NRXN3: variants seen among roughly 807,000 people sequenced by gnomAD.
NRXN3 encodes the protein neurexin III.
A neutral mutation model predicts 137.6 loss-of-function variants in NRXN3; 32 were observed. That is an observed-to-expected ratio of 0.23 (90% confidence interval 0.18 to 0.31). The LOEUF (loss-of-function observed/expected upper bound fraction) is 0.31, where lower values mean the gene tolerates loss of function less well. Ranked by LOEUF, NRXN3 falls within the 10% of genes least tolerant of loss-of-function variation. The pLI is 1.00. For missense variants in NRXN3, 1,574 were observed against 2,062.5 expected (o/e 0.76, Z 4.59); for synonymous variants, 798 against 784.5 (o/e 1.02, Z -0.29).
At chr14:78,630,847 C>T (rs944221519) in intron 4 of NRXN3, among the ~76,000 whole-genome samples, 3 of 152,060 alleles carry the variant, frequency 2.0e-5, no homozygotes, top group East Asian at 1.9e-4. Context: ...CCTCGTGGTC[C>T]GCCCACCTCG....
At chr14:78,484,634 G>A (rs1442413032) in intron 4 of NRXN3, among the ~76,000 whole-genome samples, 1 of 152,086 alleles carries the variant, frequency 6.6e-6, no homozygotes, top group Non-Finnish European at 1.5e-5. Flanking sequence ...CTTGAAGATG[G>A]GAAGAGACTG....
chr14:79,701,771 C>T (rs1367126432), intron 19 of NRXN3, among the ~76,000 whole-genome samples: 1 of 152,028 alleles, frequency 6.6e-6, no homozygotes, highest in Non-Finnish European at 1.5e-5. Context: ...CAATAATTTG[C>T]AACCAACCTA....
intron 8 of NRXN3, among the ~76,000 whole-genome samples, chr14:78,776,158 A>C (rs2098744273): frequency 6.6e-6 from 1 of 152,250 alleles, no homozygotes; most frequent in Non-Finnish European, 1.5e-5. Context: ...ATGGCATTAT[A>C]TGAACAGTTC....
intron 15 of NRXN3, among the ~76,000 whole-genome samples, chr14:79,023,480 T>C (rs2099593125): frequency 6.6e-6 from 1 of 151,922 alleles, no homozygotes; most frequent in African/African-American, 2.4e-5. Context: ...AAGTCTTCCC[T>C]GAGGAAAAAA....
chr14:78,917,910 A>T (rs2099259872), intron 10 of NRXN3, among the ~76,000 whole-genome samples: 1 of 151,784 alleles, frequency 6.6e-6, no homozygotes, highest in Admixed American at 6.6e-5. Flanking sequence ...TGTAAAAGTG[A>T]TAGTTATCTT....
chr14:79,102,755 C>A (rs2051584564), intron 15 of NRXN3, among the ~76,000 whole-genome samples: 1 of 151,934 alleles, frequency 6.6e-6, no homozygotes, highest in African/African-American at 2.4e-5. Context: ...TATATCAGGC[C>A]AATTAGGCAA....
chr14:78,479,013 C>G (rs1410636963), intron 4 of NRXN3, among the ~76,000 whole-genome samples: 2 of 152,148 alleles, frequency 1.3e-5, no homozygotes, highest in African/African-American at 4.8e-5. Context: ...AGTTAGAGAA[C>G]TAGGATAATT....
intron 3 of NRXN3, among the ~76,000 whole-genome samples, chr14:78,292,741 C>A (rs2153520034): frequency 6.6e-6 from 1 of 152,304 alleles, no homozygotes; most frequent in South Asian, 2.1e-4. Context: ...GATGGTGAGA[C>A]TGTTTTGGAA....
chr14:78,446,087 C>T (rs79081503), intron 4 of NRXN3, among the ~76,000 whole-genome samples: 1 of 152,192 alleles, frequency 6.6e-6, no homozygotes, highest in Admixed American at 6.5e-5. Context: ...TGCACCTGAC[C>T]TTGCCCATAA....
chr14:78,232,526 C>T (rs911543386), intron 1 of NRXN3, among the ~76,000 whole-genome samples: 5 of 152,086 alleles, frequency 3.3e-5, no homozygotes, highest in Admixed American at 2.0e-4. Context: ...GCTGGTGCTG[C>T]GAAAGCTGGA....
chr14:79,846,597 G>A (rs960226681), intron 20 of NRXN3, among the ~76,000 whole-genome samples: 4 of 152,126 alleles, frequency 2.6e-5, no homozygotes, highest in Non-Finnish European at 4.4e-5. Flanking sequence ...GATCTGGAAG[G>A]ACTTTAAATT....
intron 15 of NRXN3, among the ~76,000 whole-genome samples, chr14:79,065,311 G>A (rs77072592): frequency 0.062 from 9,369 of 151,988 alleles, 881 homozygotes; most frequent in African/African-American, 0.2. Context: ...GAAAGGAACC[G>A]GTCAGGTAGA....
chr14:78,520,504 C>A (rs1487107853), intron 4 of NRXN3, among the ~76,000 whole-genome samples: 1 of 152,062 alleles, frequency 6.6e-6, no homozygotes, highest in Non-Finnish European at 1.5e-5. Context: ...AAACAATGGG[C>A]ATGTCTCACA....
At chr14:79,787,014 A>T (rs2099131358) in intron 19 of NRXN3, among the ~76,000 whole-genome samples, 1 of 152,184 alleles carries the variant, frequency 6.6e-6, no homozygotes, top group African/African-American at 2.4e-5. Flanking sequence ...CAAAACCCCA[A>T]ATCTCCATTT....
chr14:79,428,492 A>G (rs2095692655), intron 15 of NRXN3, among the ~76,000 whole-genome samples: 1 of 152,198 alleles, frequency 6.6e-6, no homozygotes, highest in Non-Finnish European at 1.5e-5. Flanking sequence ...AAGATAAGAC[A>G]TGAAATTCAG....
chr14:79,338,006 TG>T (rs2092373041), intron 15 of NRXN3, among the ~76,000 whole-genome samples: 1 of 152,110 alleles, frequency 6.6e-6, no homozygotes, highest in South Asian at 2.1e-4. Flanking sequence ...CTGTCTATGC[TG>T]GGGAATGTAA....
chr14:78,996,927 C>G (rs2099531359), intron 15 of NRXN3, among the ~76,000 whole-genome samples: 1 of 152,112 alleles, frequency 6.6e-6, no homozygotes. Flanking sequence ...CAGAATGAAG[C>G]TAGCGGTACT....
intron 19 of NRXN3, among the ~76,000 whole-genome samples, chr14:79,759,385 C>A (rs1268848544): frequency 2.0e-5 from 3 of 151,314 alleles, no homozygotes; most frequent in East Asian, 3.9e-4. Flanking sequence ...GAAAAAAAGC[C>A]CAATGAAATG....
intron 4 of NRXN3, among the ~76,000 whole-genome samples, chr14:78,392,016 A>G (rs1397771557): frequency 6.6e-6 from 1 of 152,202 alleles, no homozygotes; most frequent in Non-Finnish European, 1.5e-5. Flanking sequence ...AATCTAGGAT[A>G]TGAAGTAACC....
Sources: allele counts gnomAD v4.1 joint callset (sites outside exome capture counted in the v4.1 genomes callset), GRCh38; gene constraint gnomAD v4.1.1; transcripts MANE v1.5; gene names NCBI Gene and HGNC (gene_info 2026-07-23, HGNC 2026-07-21).